CENPP: variants seen among roughly 807,000 people sequenced by gnomAD.
CENPP encodes centromere protein P.
CENPP carries 24 observed loss-of-function variants against 35.6 expected under a neutral mutation model. That is an observed-to-expected ratio of 0.67 (90% CI 0.49 to 0.95). CENPP has a LOEUF of 0.95. CENPP is among the 40% of genes least tolerant of loss of function. The pLI, the probability that CENPP is intolerant of heterozygous loss-of-function variation, is 0.00. For missense variants in CENPP, 332 were observed against 345.3 expected (o/e 0.96, Z 0.31); for synonymous variants, 120 against 125.5 (o/e 0.96, Z 0.29).
At chr9:92,363,478 A>G (rs1841813807) in intron 4 of CENPP, among the ~76,000 whole-genome samples, 1 of 152,220 alleles carries the variant, frequency 6.6e-6, no homozygotes, top group Non-Finnish European at 1.5e-5. Flanking sequence ...GTAATGCTGT[A>G]TAGGTTTATA....
At chr9:92,444,069 A>C (rs1361394974) in intron 5 of CENPP, among the ~76,000 whole-genome samples, 1 of 152,234 alleles carries the variant, frequency 6.6e-6, no homozygotes, top group Non-Finnish European at 1.5e-5. Flanking sequence ...TATGATACAT[A>C]TACACTGCAA....
intron 5 of CENPP, among the ~76,000 whole-genome samples, chr9:92,595,429 T>C (rs1588304385): frequency 6.6e-6 from 1 of 151,532 alleles, no homozygotes; most frequent in Non-Finnish European, 1.5e-5. Flanking sequence ...TTTGTGGAGA[T>C]GGGGATCTTA....
chr9:92,558,096 T>C (rs1184482977), intron 5 of CENPP, among the ~76,000 whole-genome samples: 1 of 152,232 alleles, frequency 6.6e-6, no homozygotes, highest in Non-Finnish European at 1.5e-5. Context: ...CTCTGGTCCC[T>C]CCCTGATTAG....
intron 5 of CENPP, among the ~76,000 whole-genome samples, chr9:92,411,676 T>G (rs993978778): frequency 6.6e-6 from 1 of 152,202 alleles, no homozygotes; most frequent in Non-Finnish European, 1.5e-5. Context: ...TTTTATTCAT[T>G]TAGGAGGAGA....
intron 5 of CENPP, among the ~76,000 whole-genome samples, chr9:92,555,504 C>T (rs1289833793): frequency 6.6e-6 from 1 of 152,054 alleles, no homozygotes; most frequent in Non-Finnish European, 1.5e-5. Flanking sequence ...GCTGGGATTA[C>T]AGGTATGAAC....
intron 1 of CENPP, among the ~76,000 whole-genome samples, chr9:92,330,865 T>C (rs1444863493): frequency 2.0e-5 from 3 of 152,050 alleles, no homozygotes; most frequent in African/African-American, 7.2e-5. Context: ...ATTTTTTGTA[T>C]TTTTAGTAGA....
At chr9:92,545,609 C>A (rs1008570357) in intron 5 of CENPP, among the ~76,000 whole-genome samples, 1 of 152,202 alleles carries the variant, frequency 6.6e-6, no homozygotes, top group Non-Finnish European at 1.5e-5. Context: ...TCCCACTGAC[C>A]GCCCAAGGGC....
At position 92,618,028 on chromosome 9, in the gene CENPP, G is replaced by A. The variant is rs116386917; in HGVS notation, c.*4879G>A. 1,584 of 348,894 alleles carry A rather than the reference G, an allele frequency of 4.5e-3. 31 individuals are homozygous for A. Among genetic ancestry groups the A allele is most frequent in the African/African-American group, 0.032 (1,475 of 46,656 alleles). The allele number at this position is 348,894 out of a possible 1,614,324, so 21.6% of individuals were successfully genotyped here. On this transcript the variant is annotated 3_prime_UTR_variant, in exon 8 of 8. Transcript: ENST00000375587. ...TCAGGTCTACCAGGTATCTCAAGAC[G>A]CCAAGATGACTCATGATAAATCCCA... is the stretch of plus-strand genomic sequence containing the variant.
At chr9:92,439,159 C>T (rs1053258411) in intron 5 of CENPP, among the ~76,000 whole-genome samples, 3 of 151,940 alleles carry the variant, frequency 2.0e-5, no homozygotes, top group East Asian at 3.9e-4. Context: ...TTTATTAGAT[C>T]GTGTGTTATT....
At chr9:92,482,381 A>G (rs1845942512) in intron 5 of CENPP, 1 of 152,186 alleles carries the variant, frequency 6.6e-6, no homozygotes, top group African/African-American at 2.4e-5. Context: ...ACACTGTGTA[A>G]GAAGAAAAGA....
intron 5 of CENPP, among the ~76,000 whole-genome samples, chr9:92,471,449 C>G (rs780090976): frequency 6.6e-6 from 1 of 152,016 alleles, no homozygotes; most frequent in African/African-American, 2.4e-5. Context: ...CCTGACTGGG[C>G]CTCCCAAAGT....
intron 5 of CENPP, among the ~76,000 whole-genome samples, chr9:92,405,285 G>C (rs1843274216): frequency 6.6e-6 from 1 of 151,502 alleles, no homozygotes; most frequent in South Asian, 2.1e-4. Context: ...CAACTTTGAA[G>C]ATTTTTTTAA....
chr9:92,334,893 AAC>A (rs1393029236), intron 2 of CENPP, among the ~76,000 whole-genome samples: 1 of 151,790 alleles, frequency 6.6e-6, no homozygotes, highest in Non-Finnish European at 1.5e-5. Flanking sequence ...AAACCAAAAA[AAC>A]AAAAAAAAAG....
intron 5 of CENPP, among the ~76,000 whole-genome samples, chr9:92,465,874 C>A (rs1388309173): frequency 6.6e-6 from 1 of 151,148 alleles, no homozygotes; most frequent in South Asian, 2.1e-4. Context: ...ATTCTGTCAC[C>A]CAGGCTGGAG....
chr9:92,584,023 T>G (rs1850489053), intron 5 of CENPP, among the ~76,000 whole-genome samples: 1 of 152,226 alleles, frequency 6.6e-6, no homozygotes, highest in Non-Finnish European at 1.5e-5. Context: ...TTGTGCTGTC[T>G]GTCAAATATA....
intron 5 of CENPP, among the ~76,000 whole-genome samples, chr9:92,450,251 C>T (rs1441835027): frequency 7.7e-6 from 1 of 130,170 alleles, no homozygotes; most frequent in African/African-American, 2.8e-5. Flanking sequence ...CCCCCTCCCC[C>T]GACCCCACGA....
In CENPP at chr9:92,552,186, CAT is replaced by C. The variant is rs199721925; in HGVS notation, c.565-59124_565-59123del. ...TATATATGTGATATGATAGATCTAT[CAT>C]ATACACACACACACACACACACACA... On this transcript the variant is annotated intron_variant, in intron 5 of 7. Coordinates refer to ENST00000375587, the MANE Select transcript of CENPP (RefSeq NM_001012267.3). 5.7e-4 allele frequency among the ~76,000 whole-genome samples: 61 copies of C among 106,646 alleles called. 1 individual carries two copies. Among genetic ancestry groups the C allele is most frequent in the Admixed American group, 1.7e-3 (18 of 10,720 alleles). The allele number at this position is 106,646 out of a possible 152,430, so 70.0% of individuals were successfully genotyped here.
chr9:92,412,690 C>T (rs1843477282), intron 5 of CENPP, among the ~76,000 whole-genome samples: 1 of 152,126 alleles, frequency 6.6e-6, no homozygotes, highest in Admixed American at 6.6e-5. Flanking sequence ...GTCAGTGCTT[C>T]GTTACTTTTT....
chr9:92,485,685 G>A (rs969254222), intron 5 of CENPP, among the ~76,000 whole-genome samples: 1 of 152,146 alleles, frequency 6.6e-6, no homozygotes, highest in Non-Finnish European at 1.5e-5. Flanking sequence ...GCAAATAAAA[G>A]ATTGATTGAT....
Sources: gnomAD v4.1 joint callset for allele counts (sites outside exome capture counted in the v4.1 genomes callset) on GRCh38, gnomAD v4.1.1 for gene constraint, MANE v1.5 for transcripts, NCBI Gene and HGNC (gene_info 2026-07-23, HGNC 2026-07-21) for gene names.